The following HORMAD2 variants were observed in gnomAD, a reference collection of about 807,000 sequenced individuals.
The protein encoded by HORMAD2 is HORMA domain containing 2, also known as HORMA domain-containing protein 2.
Under a neutral mutation model 38.8 loss-of-function variants are expected in HORMAD2, and 45 were observed. The observed-to-expected ratio is 1.16, with a 90% CI of 0.91 to 1.49. HORMAD2 has a LOEUF of 1.49. HORMAD2 is among the 40% of genes most tolerant of loss of function. The pLI is 0.00. For missense variants in HORMAD2, 338 were observed against 367.0 expected (o/e 0.92, Z 0.65); for synonymous variants, 126 against 122.8 (o/e 1.03, Z -0.17).
chr22:30,112,859 G>A lies in HORMAD2; in HGVS notation c.342+337G>A, dbSNP rs1483096553. Among the ~76,000 whole-genome samples the A allele has an allele frequency of 3.3e-5, 5 of 151,578 alleles. No individual in the cohort carries two copies. The East Asian group carries it at 5.8e-4, about 18-fold the overall frequency. ...TTTAATTTTTATGAACTTTTTTTCCGAGTCATATAAAACCACATTTTATTA... is the reference window on the plus strand; with the variant it reads ...TTTAATTTTTATGAACTTTTTTTCCAAGTCATATAAAACCACATTTTATTA... On this transcript the variant is annotated intron_variant, in intron 7 of 10. Coordinates refer to ENST00000336726, the MANE Select transcript of HORMAD2 (RefSeq NM_152510.4).
chr22:30,096,882 T>C (rs1266669323), intron 2 of HORMAD2, among the ~76,000 whole-genome samples: 1 of 152,218 alleles, frequency 6.6e-6, no homozygotes, highest in African/African-American at 2.4e-5. Flanking sequence ...TAGACACTTT[T>C]CTATTTGATT....
At chr22:30,112,833 A>G (rs1601530688) in intron 7 of HORMAD2, among the ~76,000 whole-genome samples, 1 of 152,090 alleles carries the variant, frequency 6.6e-6, no homozygotes, top group East Asian at 1.9e-4. Flanking sequence ...AATTTTTTAA[A>G]TTTAATTTTT....
At chr22:30,147,526 A>G in intron 10 of HORMAD2, among the ~76,000 whole-genome samples, 1 of 152,180 alleles carries the variant, frequency 6.6e-6, no homozygotes, top group East Asian at 1.9e-4. Context: ...CTGGACGGAA[A>G]CATGGGATAA....
At chr22:30,083,123 G>C (rs2068514060) in intron 1 of HORMAD2, among the ~76,000 whole-genome samples, 2 of 152,004 alleles carry the variant, frequency 1.3e-5, no homozygotes, top group South Asian at 4.2e-4. Context: ...AAAATTTGCT[G>C]AGTGTGGTGG....
At chr22:30,195,236 A>AT in the HORMAD2 span, among the ~76,000 whole-genome samples, 3 of 150,668 alleles carry the variant, frequency 2.0e-5, no homozygotes, top group Non-Finnish European at 1.5e-5. Flanking sequence ...AACAACATTG[A>AT]TTTTCTTTAC....
chr22:30,119,981 A>G (rs1363313386), intron 8 of HORMAD2, among the ~76,000 whole-genome samples: 1 of 152,242 alleles, frequency 6.6e-6, no homozygotes, highest in East Asian at 1.9e-4. Context: ...TAACATTTGT[A>G]TAATACTTTA....
chr22:30,145,086 C>T (rs758571676), intron 10 of HORMAD2, among the ~76,000 whole-genome samples: 12 of 152,240 alleles, frequency 7.9e-5, no homozygotes, highest in East Asian at 1.9e-4. Context: ...TATTCTTGAA[C>T]GGAGGCTTCT....
chr22:30,203,962 T>C, the HORMAD2 span, among the ~76,000 whole-genome samples: 1 of 152,274 alleles, frequency 6.6e-6, no homozygotes, highest in Non-Finnish European at 1.5e-5. Context: ...GCACACATTG[T>C]CATAGTGCCT....
At chr22:30,123,654 T>C (rs1352221822) in intron 10 of HORMAD2, among the ~76,000 whole-genome samples, 2 of 149,974 alleles carry the variant, frequency 1.3e-5, no homozygotes, top group African/African-American at 5.0e-5. Context: ...TATTTATTTA[T>C]TTATTTATTT....
At chr22:30,101,974 G>A (rs1484708208) in intron 3 of HORMAD2, among the ~76,000 whole-genome samples, 1 of 152,078 alleles carries the variant, frequency 6.6e-6, no homozygotes, top group Non-Finnish European at 1.5e-5. Flanking sequence ...AGGCTGAGGT[G>A]GGAGGATCAT....
At chr22:30,169,114 T>C (rs1474003667) in intron 10 of HORMAD2, among the ~76,000 whole-genome samples, 3 of 152,210 alleles carry the variant, frequency 2.0e-5, no homozygotes. Context: ...GGTGAATGTC[T>C]GCTCATCTTG....
chr22:30,148,246 G>A (rs1924539843), intron 10 of HORMAD2, among the ~76,000 whole-genome samples: 1 of 151,992 alleles, frequency 6.6e-6, no homozygotes. Context: ...CCTGTGAAAA[G>A]AAAGGGAAAG....
chr22:30,107,841 A>G (rs1264746408), intron 5 of HORMAD2, among the ~76,000 whole-genome samples: 1 of 151,884 alleles, frequency 6.6e-6, no homozygotes, highest in Non-Finnish European at 1.5e-5. Flanking sequence ...CTGTAAGAGC[A>G]TGATTATTTC....
At chr22:30,094,611 G>T (rs993056822) in intron 2 of HORMAD2, among the ~76,000 whole-genome samples, 1 of 152,108 alleles carries the variant, frequency 6.6e-6, no homozygotes, top group African/African-American at 2.4e-5. Context: ...TATACAAAGC[G>T]ATATATGATT....
chr22:30,179,790 A>T (rs1926625636), downstream of HORMAD2, among the ~76,000 whole-genome samples: 1 of 152,206 alleles, frequency 6.6e-6, no homozygotes, highest in African/African-American at 2.4e-5. Context: ...CGTTTCTGGT[A>T]ATAGGCTGAT....
intron 10 of HORMAD2, among the ~76,000 whole-genome samples, chr22:30,147,779 A>T (rs1471619954): frequency 2.6e-5 from 4 of 152,232 alleles, no homozygotes; most frequent in Non-Finnish European, 5.9e-5. Context: ...CTCCATTTTT[A>T]AAAATATCAA....
At chr22:30,177,842 G>A (rs1926547092), downstream of HORMAD2, among the ~76,000 whole-genome samples, 1 of 151,240 alleles carries the variant, frequency 6.6e-6, no homozygotes, top group Admixed American at 6.6e-5. Flanking sequence ...ACCATGCCTG[G>A]CTAATTTTTG....
chr22:30,140,742 C>G (rs1248765434), intron 10 of HORMAD2, among the ~76,000 whole-genome samples: 1 of 152,138 alleles, frequency 6.6e-6, no homozygotes, highest in African/African-American at 2.4e-5. Context: ...TTTGGATTCA[C>G]TGATTGTCAC....
At chr22:30,162,206 A>G (rs1368706442) in intron 10 of HORMAD2, among the ~76,000 whole-genome samples, 1 of 152,088 alleles carries the variant, frequency 6.6e-6, no homozygotes, top group East Asian at 1.9e-4. Flanking sequence ...CCAGGTACTC[A>G]GGAGGCTGAG....
Sources: allele counts gnomAD v4.1 joint callset (sites outside exome capture counted in the v4.1 genomes callset), GRCh38; gene constraint gnomAD v4.1.1; transcripts MANE v1.5; gene names NCBI Gene and HGNC (gene_info 2026-07-23, HGNC 2026-07-21).